Variants in IL16 observed in about 807,000 individuals in gnomAD.
IL16 encodes the protein interleukin 16.
A neutral mutation model predicts 110.1 loss-of-function variants in IL16; 67 were observed. The ratio of observed to expected loss-of-function variants is 0.61; its 90% CI spans 0.50 to 0.75. The LOEUF (loss-of-function observed/expected upper bound fraction) is 0.75, where lower values mean the gene tolerates loss of function less well. Ranked by LOEUF, IL16 falls within the 30% of genes least tolerant of loss-of-function variation. The pLI is 0.00. For synonymous variants in IL16, 689 were observed against 662.9 expected, an observed-to-expected ratio of 1.04 and a Z score of -0.61; for missense variants, 1,545 against 1,655.0, an observed-to-expected ratio of 0.93 and a Z score of 1.15.
At position 81,308,900 on chromosome 15, in the gene IL16, A is replaced by C. The variant is rs1289977815; in HGVS notation, c.*102A>C. 4 of 1,069,446 alleles carry C rather than the reference A, an allele frequency of 3.7e-6. No homozygotes were observed. The highest frequency in any genetic ancestry group is 1.6e-5 in the African/African-American group (1 of 62,460). 66.2% of individuals were successfully genotyped at this position (1,069,446 alleles called of 1,614,324 possible). Reference sequence around the variant, plus strand: ...TGCTGCCGCCCCACCCAGATGGGGGAAAGCACAGGTGGGCTTCCCAGTGGC... The same window carrying C: ...TGCTGCCGCCCCACCCAGATGGGGGCAAGCACAGGTGGGCTTCCCAGTGGC... On this transcript the variant is annotated 3_prime_UTR_variant, in exon 19 of 19. Coordinates refer to ENST00000683961, the MANE Select transcript of IL16 (RefSeq NM_172217.5).
chr15:81,241,606 C>T (rs1002844763), intron 2 of IL16, among the ~76,000 whole-genome samples: 1 of 152,006 alleles, frequency 6.6e-6, no homozygotes, highest in African/African-American at 2.4e-5. Flanking sequence ...ATATGGAATG[C>T]AATTTTTAAA....
chr15:81,224,114 T>C (rs771926460), intron 1 of IL16, among the ~76,000 whole-genome samples: 5 of 152,226 alleles, frequency 3.3e-5, no homozygotes, highest in Non-Finnish European at 7.4e-5. Flanking sequence ...AAAGAGCTAA[T>C]ACAGAAAACA....
At chr15:81,279,138 A>C (rs1899049718) in intron 7 of IL16, among the ~76,000 whole-genome samples, 1 of 152,250 alleles carries the variant, frequency 6.6e-6, no homozygotes, top group East Asian at 1.9e-4. Flanking sequence ...CTGTGTATTT[A>C]TCATGGTATA....
intron 12 of IL16, among the ~76,000 whole-genome samples, chr15:81,294,114 G>A (rs532908422): frequency 6.6e-6 from 1 of 152,220 alleles, no homozygotes; most frequent in Admixed American, 6.5e-5. Context: ...TCTACAGTGA[G>A]GGTTGGCAAG....
chr15:81,313,511 T>A lies in IL16; in HGVS notation c.*4713T>A. ...CCCAGTGGAAATGGCCATGATACAG[T>A]GATCGCGTCTCATCCCTTGCTGTGC... On this transcript the variant is annotated 3_prime_UTR_variant, in exon 19 of 19. Transcript: ENST00000683961. 1 of 1,096,030 alleles carries A rather than the reference T, an allele frequency of 9.1e-7. No individual in the cohort carries two copies. Among genetic ancestry groups the A allele is most frequent in the Non-Finnish European group, 1.2e-6 (1 of 804,544 alleles). The allele number at this position is 1,096,030 out of a possible 1,614,324, so 67.9% of individuals were successfully genotyped here.
intron 13 of IL16, among the ~76,000 whole-genome samples, chr15:81,299,060 T>A (rs1277877464): frequency 6.6e-6 from 1 of 152,252 alleles, no homozygotes; most frequent in African/African-American, 2.4e-5. Context: ...GGGTCTTGCC[T>A]GAGCACTGCC....
chr15:81,252,043 A>T (rs1897786429), intron 2 of IL16, among the ~76,000 whole-genome samples: 1 of 152,208 alleles, frequency 6.6e-6, no homozygotes, highest in African/African-American at 2.4e-5. Flanking sequence ...CTAGGGTCTG[A>T]TTGGTGGAGA....
intron 2 of IL16, among the ~76,000 whole-genome samples, chr15:81,253,182 G>T (rs1487888475): frequency 6.6e-6 from 1 of 152,076 alleles, no homozygotes; most frequent in Admixed American, 6.6e-5. Flanking sequence ...CATGCGAGTG[G>T]TATCTCATTG....
At position 81,197,030 on chromosome 15, in the gene IL16, A is replaced by C; in HGVS notation, c.-224A>C. 1 of 1,288,134 alleles carries C rather than the reference A, an allele frequency of 7.8e-7. No individual in the cohort carries two copies. Among genetic ancestry groups the C allele is most frequent in the Non-Finnish European group, 1.0e-6 (1 of 988,322 alleles). 79.8% of individuals were successfully genotyped at this position (1,288,134 alleles called of 1,614,324 possible). A position where few individuals can be genotyped will look rare whatever the true frequency, so the allele number is the denominator to read the frequency against. On this transcript the variant is annotated 5_prime_UTR_variant, in exon 1 of 19. Coordinates refer to ENST00000683961, the MANE Select transcript of IL16 (RefSeq NM_172217.5). ...TCTCAATCCTTGCCGGCTCTGACCC[A>C]GGCCTGGGCCACAGGCTGTCCGGGA...
At chr15:81,298,558 T>A (rs759035015) in intron 13 of IL16, among the ~76,000 whole-genome samples, 1 of 152,232 alleles carries the variant, frequency 6.6e-6, no homozygotes, top group Non-Finnish European at 1.5e-5. Flanking sequence ...CCAGGCTGCA[T>A]CCCAGGTATC....
At chr15:81,239,970 A>G (rs1291523560) in intron 2 of IL16, among the ~76,000 whole-genome samples, 1 of 152,162 alleles carries the variant, frequency 6.6e-6, no homozygotes, top group Non-Finnish European at 1.5e-5. Flanking sequence ...ATTGTTGTCT[A>G]TTAAATAATT....
At chr15:81,279,823 T>G in intron 8 of IL16, 49 bp downstream of exon 8, 1 of 1,515,452 alleles carries the variant, frequency 6.6e-7, no homozygotes. Flanking sequence ...CAGCACTGGC[T>G]GAGTCTCCCA....
At position 81,207,382 on chromosome 15, in the gene IL16, G is replaced by T. The variant is rs376490692; in HGVS notation, c.-102+10230G>T. On this transcript the variant is annotated intron_variant, in intron 1 of 18. Coordinates refer to ENST00000683961, the MANE Select transcript of IL16 (RefSeq NM_172217.5). ...TTTTTAAAAAGTGATTCACAAAAAG[G>T]CTAAGTAGATTATTTTAAATTTCAA... Among the ~76,000 whole-genome samples, 193 of 152,030 alleles carry T rather than the reference G, an allele frequency of 1.3e-3. 2 individuals carry two copies. The South Asian group carries it at 0.038, about 30-fold the overall frequency.
Position 81,282,621 on chromosome 15 carries a change from G to A in IL16, c.1082-18G>A, listed in dbSNP as rs780810405. On this transcript the variant is annotated intron_variant, in intron 8 of 18. Transcript: ENST00000683961. ...AGCTCAGTCCCGGTCTCCCCACCCC[G>A]CCCTGTTCTGCTTCCAGAGGCCGGC... 18 of 1,599,338 alleles carry A rather than the reference G, an allele frequency of 1.1e-5. No individual in the cohort carries two copies. The highest frequency in any genetic ancestry group is 3.3e-5 in the South Asian group (3 of 90,858).
At chr15:81,279,253 C>T (rs1005100138) in intron 7 of IL16, among the ~76,000 whole-genome samples, 4 of 152,224 alleles carry the variant, frequency 2.6e-5, no homozygotes, top group Admixed American at 2.6e-4. Flanking sequence ...TATCTATTAT[C>T]AATCAATCTA....
At chr15:81,277,517 T>C (rs1026924136) in intron 6 of IL16, among the ~76,000 whole-genome samples, 12 of 151,656 alleles carry the variant, frequency 7.9e-5, no homozygotes, top group African/African-American at 2.7e-4. Context: ...CAATCACAGC[T>C]CACTGCAGCC....
chr15:81,230,000 G>C (rs1896917081), intron 2 of IL16, among the ~76,000 whole-genome samples: 1 of 152,152 alleles, frequency 6.6e-6, no homozygotes. Flanking sequence ...GATGGGTTGT[G>C]TTTGGCCCAG....
intron 10 of IL16, among the ~76,000 whole-genome samples, chr15:81,286,768 T>C (rs1478102681): frequency 1.3e-5 from 2 of 152,178 alleles, no homozygotes; most frequent in African/African-American, 4.8e-5. Context: ...AATGTATTAG[T>C]CTGTTCTCCC....
At chr15:81,305,674 T>C in intron 16 of IL16, 2 of 567,048 alleles carry the variant, frequency 3.5e-6, no homozygotes, top group South Asian at 2.1e-5. Flanking sequence ...GACGTTGTGT[T>C]GGGATGGATT....
Sources: allele counts gnomAD v4.1 joint callset (sites outside exome capture counted in the v4.1 genomes callset), GRCh38; gene constraint gnomAD v4.1.1; transcripts MANE v1.5; gene names NCBI Gene and HGNC (gene_info 2026-07-23, HGNC 2026-07-21).